The following TANC2 variants were observed in gnomAD, a reference collection of about 807,000 sequenced individuals.
TANC2 encodes the protein tetratricopeptide repeat, ankyrin repeat and coiled-coil containing 2.
TANC2 carries 26 observed loss-of-function variants against 210.5 expected under a neutral mutation model. That is an observed-to-expected ratio of 0.12 (90% CI 0.09 to 0.17). TANC2 has a LOEUF of 0.17. Ranked by LOEUF, TANC2 falls within the 10% of genes least tolerant of loss-of-function variation. TANC2 has a pLI of 1.00. For missense variants in TANC2, 2,129 were observed against 2,608.9 expected, an observed-to-expected ratio of 0.82 and a Z score of 4.01; for synonymous variants, 931 against 967.1, an observed-to-expected ratio of 0.96 and a Z score of 0.69.
chr17:62,978,293 A>G (rs1041301605), intron 1 of TANC2, among the ~76,000 whole-genome samples: 1 of 152,244 alleles, frequency 6.6e-6, no homozygotes, highest in African/African-American at 2.4e-5. Flanking sequence ...TATAATATTA[A>G]CACATTCTGA....
chr17:63,163,089 G>A (rs2040083702), intron 5 of TANC2, among the ~76,000 whole-genome samples: 1 of 151,748 alleles, frequency 6.6e-6, no homozygotes, highest in African/African-American at 2.4e-5. Flanking sequence ...GGTGATGACT[G>A]TGAAATCTAA....
At chr17:63,134,317 A>G (rs1475714085) in intron 4 of TANC2, among the ~76,000 whole-genome samples, 1 of 152,168 alleles carries the variant, frequency 6.6e-6, no homozygotes, top group Non-Finnish European at 1.5e-5. Flanking sequence ...GTCATTATAT[A>G]CTAATAACAC....
At chr17:63,370,951 C>T (rs1392460510) in intron 14 of TANC2, among the ~76,000 whole-genome samples, 2 of 152,154 alleles carry the variant, frequency 1.3e-5, no homozygotes, top group East Asian at 1.9e-4. Context: ...ACTTGGAAGG[C>T]GAGCACAATC....
chr17:63,197,856 GTCTTTC>G (rs1480809178), intron 6 of TANC2: 1 of 152,130 alleles, frequency 6.6e-6, no homozygotes, highest in Non-Finnish European at 1.5e-5. Flanking sequence ...ATAAATAGTT[GTCTTTC>G]TCTAGCTCAT....
intron 2 of TANC2, among the ~76,000 whole-genome samples, chr17:63,038,867 A>G (rs375819781): frequency 3.3e-5 from 5 of 152,246 alleles, no homozygotes; most frequent in East Asian, 1.9e-4. Context: ...TGAAAAATCA[A>G]AGTTTTAGAT....
rs371281397 is a variant in TANC2 at position 63,063,674 on chromosome 17, TTG to T, written c.68-10245_68-10244del. Among the ~76,000 whole-genome samples, 72 of 137,222 alleles carry T rather than the reference TTG, an allele frequency of 5.2e-4. No individual in the cohort carries two copies. In the East Asian group the frequency reaches 5.7e-3, roughly 11 times the overall value. The allele number at this position is 137,222 out of a possible 152,430, so 90.0% of individuals were successfully genotyped here. On this transcript the variant is annotated intron_variant, in intron 2 of 27. Coordinates refer to ENST00000689528, the Ensembl canonical transcript of TANC2. ...CAATATCACACTTTGTTACCCAGTA[TTG>T]TGTGTGTGTGTGTGTGTGTGTGTAG...
intron 11 of TANC2, among the ~76,000 whole-genome samples, chr17:63,322,451 T>A (rs974337916): frequency 3.3e-5 from 5 of 152,024 alleles, no homozygotes; most frequent in African/African-American, 1.2e-4. Flanking sequence ...TGAGCTGAGA[T>A]CGCACCACTG....
chr17:63,058,538 G>A (rs2035885917), intron 2 of TANC2, among the ~76,000 whole-genome samples: 1 of 152,014 alleles, frequency 6.6e-6, no homozygotes, highest in Non-Finnish European at 1.5e-5. Flanking sequence ...TGTCTTCTAG[G>A]GTTTTTATAG....
intron 2 of TANC2, among the ~76,000 whole-genome samples, chr17:63,068,192 A>C (rs2036270819): frequency 6.6e-6 from 1 of 152,170 alleles, no homozygotes; most frequent in Admixed American, 6.5e-5. Flanking sequence ...GAATATACAC[A>C]CACCAAATGG....
chr17:63,025,816 T>A (rs531902075), intron 2 of TANC2, among the ~76,000 whole-genome samples: 6 of 107,848 alleles, frequency 5.6e-5, no homozygotes, highest in African/African-American at 3.4e-4. Context: ...TAAAATAAAA[T>A]TAAATTAAAA....
intron 14 of TANC2, among the ~76,000 whole-genome samples, chr17:63,365,702 G>A (rs1458200194): frequency 6.6e-6 from 1 of 151,914 alleles, no homozygotes; most frequent in Non-Finnish European, 1.5e-5. Flanking sequence ...CCACCTCTGG[G>A]CCTTTGCACT....
exon 28 of TANC2, chr17:63,422,351 T>C (rs2049046794): frequency 5.2e-6 from 1 of 190,954 alleles, no homozygotes; most frequent in Non-Finnish European, 1.1e-5. Flanking sequence ...CGTTTTCTTC[T>C]AGAAACTTTA....
Position 63,412,093 on chromosome 17 carries a change from T to C in TANC2, c.3861T>C (p.Ser1287=), listed in dbSNP as rs773574093. 3.1e-6 allele frequency: 5 copies of C among 1,613,930 alleles called. No individual in the cohort carries two copies. In the Admixed American group the frequency reaches 8.3e-5, roughly 27 times the overall value. The change falls in exon 23 of 28, where the codon TCT becomes TCC. Residue 1287 remains serine (S), a synonymous_variant. Coordinates refer to ENST00000689528, the Ensembl canonical transcript of TANC2. The surrounding 1 kb of genome is among the most constrained non-coding windows in gnomAD (Gnocchi z 4.2). ...GGGCAGTGGGGTGCCGGAACACTTC[T>C]GTTGTTGTCACTCTTCTGAAGAAAG...
chr17:63,009,155 A>G (rs909997181), intron 1 of TANC2, among the ~76,000 whole-genome samples: 2 of 151,922 alleles, frequency 1.3e-5, no homozygotes, highest in Non-Finnish European at 2.9e-5. Context: ...ATTTTTAATT[A>G]TGGGTAAATA....
At chr17:63,234,004 A>C (rs2042551083) in intron 7 of TANC2, among the ~76,000 whole-genome samples, 1 of 152,212 alleles carries the variant, frequency 6.6e-6, no homozygotes, top group African/African-American at 2.4e-5. Context: ...ATTTAGGTGA[A>C]TGTGAAGTTG....
intron 9 of TANC2, among the ~76,000 whole-genome samples, chr17:63,306,273 A>G (rs1316995457): frequency 6.6e-6 from 1 of 152,230 alleles, no homozygotes; most frequent in African/African-American, 2.4e-5. Flanking sequence ...TGCTTGGTTA[A>G]GTTTACTTCT....
In TANC2 at chr17:63,389,513, T is replaced by C. The variant is rs759677685; in HGVS notation, c.3020T>C (p.Ile1007Thr). 7 of 1,611,668 alleles carry C rather than the reference T, an allele frequency of 4.3e-6. No individual in the cohort carries two copies. The African/African-American group carries it at 8.0e-5, about 18-fold the overall frequency. ...GCTGCAGCAGCAGGGTACCTGAGCA[T>C]TGTGGTGCTGCTGTGCAAGAAACGG... The change falls in exon 17 of 28, where the codon ATT (isoleucine) becomes ACT (threonine). Residue 1007 changes from isoleucine (I) to threonine (T), a missense_variant. Physicochemically the swap from Ile to Thr is moderately conservative, Grantham distance 89. This residue lies in a region of TANC2 where 644 missense variants were observed against 937.5 expected (regional missense o/e 0.69). Transcript: ENST00000689528.
intron 13 of TANC2, among the ~76,000 whole-genome samples, 186 bp downstream of exon 13, chr17:63,351,602 C>G (rs958262188): frequency 6.6e-6 from 1 of 152,110 alleles, no homozygotes; most frequent in East Asian, 1.9e-4. Context: ...ATACGTGACT[C>G]TCAGATTCCC....
chr17:63,153,003 C>A (rs190783727), intron 5 of TANC2: 1 of 152,094 alleles, frequency 6.6e-6, no homozygotes, highest in South Asian at 2.1e-4. Context: ...CTAAAAAAGT[C>A]TTTCCTTTTC....
Sources: gnomAD v4.1 joint callset for allele counts (sites outside exome capture counted in the v4.1 genomes callset) on GRCh38, gnomAD v4.1.1 for gene constraint, gnomAD v4.1.1 regional missense constraint, Gnocchi (gnomAD v3.1) non-coding constraint, MANE v1.5 for transcripts, NCBI Gene and HGNC (gene_info 2026-07-23, HGNC 2026-07-21) for gene names.